The following ZFAND4 variants were observed in gnomAD, a reference collection of about 807,000 sequenced individuals.
ZFAND4 encodes the protein zinc finger AN1-type containing 4, also known as AN1-type zinc finger protein 4.
Under a neutral mutation model 64.4 loss-of-function variants are expected in ZFAND4, and 43 were observed. The ratio of observed to expected loss-of-function variants is 0.67; its 90% CI spans 0.52 to 0.86. The LOEUF is 0.86. Among genes scored for constraint, ZFAND4 ranks in the 40% least tolerant of loss-of-function variants. The probability of loss-of-function intolerance (pLI) is 0.00; values close to 1 mark genes in which losing one functional copy is unlikely to be tolerated. For missense variants in ZFAND4, 929 were observed against 859.8 expected (o/e 1.08, Z -1.01); for synonymous variants, 296 against 305.7 (o/e 0.97, Z 0.33).
intron 6 of ZFAND4, among the ~76,000 whole-genome samples, chr10:45,636,479 T>C (rs951583037): frequency 6.6e-6 from 1 of 151,904 alleles, no homozygotes; most frequent in African/African-American, 2.4e-5. Context: ...CTACTAAAAA[T>C]ACAAAAAATT....
At chr10:45,648,184 C>T in intron 5 of ZFAND4, 110 bp downstream of exon 5, 1 of 1,103,116 alleles carries the variant, frequency 9.1e-7, no homozygotes, top group East Asian at 2.8e-5. Flanking sequence ...ATACGAAGGA[C>T]AATTTCAGAC....
Position 45,628,367 on chromosome 10 carries a change from G to A in ZFAND4, c.718-1262C>T, listed in dbSNP as rs181911072. On this transcript the variant is annotated intron_variant, in intron 6 of 9. Transcript: ENST00000344646. Reference sequence around the variant, plus strand: ...AGAGACAGAGTTGTCGCCTAGGCAGGAGTGCAATGGCACAATCTCAGGCCT... The same window carrying A: ...AGAGACAGAGTTGTCGCCTAGGCAGAAGTGCAATGGCACAATCTCAGGCCT... Among the ~76,000 whole-genome samples, 510 of 152,268 alleles carry A rather than the reference G, an allele frequency of 3.3e-3. 11 individuals carry two copies. Among genetic ancestry groups the A allele is most frequent in the Admixed American group, 0.029 (437 of 15,292 alleles).
At chr10:45,637,248 C>T (rs11239579) in intron 6 of ZFAND4, among the ~76,000 whole-genome samples, 1 of 151,502 alleles carries the variant, frequency 6.6e-6, no homozygotes, top group South Asian at 2.1e-4. Context: ...GGCTGAGGCA[C>T]GAGAATCACT....
chr10:45,647,442 T>A (rs1236036251), intron 5 of ZFAND4, among the ~76,000 whole-genome samples: 15 of 150,454 alleles, frequency 1.0e-4, no homozygotes, highest in Admixed American at 6.6e-4. Flanking sequence ...TTTTTTTTTT[T>A]AATGATTTTA....
At chr10:45,667,505 G>A (rs1486167467) in intron 1 of ZFAND4, among the ~76,000 whole-genome samples, 1 of 113,706 alleles carries the variant, frequency 8.8e-6, no homozygotes, top group Non-Finnish European at 1.6e-5. Context: ...GTCCCACTCT[G>A]TTGCCCGGGC....
intron 5 of ZFAND4, 188 bp from the exon 6 acceptor site, chr10:45,640,151 A>T: frequency 2.4e-6 from 3 of 1,268,346 alleles, no homozygotes; most frequent in Non-Finnish European, 3.1e-6. Flanking sequence ...AAATGGGAAT[A>T]AATATTATGA....
intron 2 of ZFAND4, among the ~76,000 whole-genome samples, chr10:45,660,896 A>G (rs1483853204): frequency 6.6e-6 from 1 of 151,738 alleles, no homozygotes; most frequent in Admixed American, 6.6e-5. Context: ...TTTGCAAGAA[A>G]CGTTAAAAGA....
chr10:45,616,629 C>A, intron 9 of ZFAND4, 58 bp from the exon 10 acceptor site: 6 of 1,592,026 alleles, frequency 3.8e-6, no homozygotes, highest in Non-Finnish European at 5.1e-6. Context: ...GCTCATCTGT[C>A]TGGGAGACAG....
At chr10:45,642,293 T>C (rs1456657159) in intron 5 of ZFAND4, among the ~76,000 whole-genome samples, 1 of 151,242 alleles carries the variant, frequency 6.6e-6, no homozygotes, top group Non-Finnish European at 1.5e-5. Flanking sequence ...CACACATACA[T>C]ACACACATAT....
At chr10:45,669,476 TCTGAAA>T (rs2049040216) in intron 1 of ZFAND4, among the ~76,000 whole-genome samples, 1 of 152,160 alleles carries the variant, frequency 6.6e-6, no homozygotes. Context: ...TACCATTCCT[TCTGAAA>T]CTATTCCAAT....
At chr10:45,650,972 TC>T (rs2047719932) in intron 4 of ZFAND4, 2 of 152,202 alleles carry the variant, frequency 1.3e-5, no homozygotes, top group African/African-American at 4.8e-5. Context: ...TCTCATTAAA[TC>T]CTCTTGAAAT....
At chr10:45,660,078 C>T (rs950062477) in intron 2 of ZFAND4, among the ~76,000 whole-genome samples, 5 of 149,228 alleles carry the variant, frequency 3.4e-5, no homozygotes, top group African/African-American at 7.4e-5. Flanking sequence ...AGGAGAATGG[C>T]GTGAACCCAG....
At chr10:45,631,624 CA>C (rs1003036563) in intron 6 of ZFAND4, among the ~76,000 whole-genome samples, 1 of 151,948 alleles carries the variant, frequency 6.6e-6, no homozygotes, top group African/African-American at 2.4e-5. Flanking sequence ...CAAAGCATAG[CA>C]GAGCAACATT....
intron 2 of ZFAND4, chr10:45,662,745 C>G (rs893894112): frequency 7.5e-6 from 6 of 796,354 alleles, no homozygotes; most frequent in African/African-American, 7.5e-5. Context: ...ATGAAAAATT[C>G]TAACCCTCCT....
chr10:45,626,837 G>A lies in ZFAND4; in HGVS notation c.986C>T (p.Ser329Phe), dbSNP rs771841221. The A allele has an allele frequency of 5.2e-5, 84 of 1,614,086 alleles. No individual in the cohort carries two copies. The highest frequency in any genetic ancestry group is 6.8e-5 in the Non-Finnish European group (80 of 1,180,054). ...EDNSWENNTL[S>F]HFSSNVKLPP... ...TAGTTTGACGTTGCTACTGAAGTGA[G>A]ACAGTGTGTTATTCTCCCAGCTATT... Residue 329 changes from serine to phenylalanine, a missense_variant, in exon 7 of 10, where the codon TCT becomes TTT. Ser to Phe is a radical substitution (Grantham distance 155). Transcript: ENST00000344646.
chr10:45,627,029 C>A lies in ZFAND4; in HGVS notation c.794G>T (p.Arg265Leu), dbSNP rs559677417. The change falls in exon 7 of 10, where the codon CGC becomes CTC. Residue 265 changes from arginine to leucine, a missense_variant. Arg to Leu is a moderately radical substitution (Grantham distance 102). Transcript: ENST00000344646. The part of the protein sequence containing the change: ...RPSSGSTAPS[R>L]HRLLRVLPNI... The stretch of plus-strand genomic sequence containing the variant: ...GGGGAGGACCCTTAACAATCGGTGG[C>A]GAGATGGTGCAGTGGAACCACTAGA... The A allele has an allele frequency of 1.2e-6, 2 of 1,604,352 alleles. No homozygotes were observed. Among genetic ancestry groups the A allele is most frequent in the Non-Finnish European group, 1.7e-6 (2 of 1,174,374 alleles).
chr10:45,626,111 G>C lies in ZFAND4; in HGVS notation c.1712C>G (p.Ala571Gly). ...TCTGCTTGTGCTCCCGGCCAGTGAG[G>C]CAAGAAAACTGATATTATTTACACA... ...VGCVNNISFL[A>G]SLAGSTSRNR... Residue 571 changes from alanine (A) to glycine (G), a missense_variant, in exon 7 of 10, where the codon GCC (alanine) becomes GGC (glycine). Transcript: ENST00000344646. The C allele has an allele frequency of 1.9e-6, 3 of 1,614,074 alleles. No individual in the cohort carries two copies. Among genetic ancestry groups the C allele is most frequent in the Non-Finnish European group, 8.5e-7 (1 of 1,180,026 alleles).
chr10:45,659,711 G>A (rs1329380137), intron 2 of ZFAND4, among the ~76,000 whole-genome samples: 2 of 152,034 alleles, frequency 1.3e-5, no homozygotes, highest in Non-Finnish European at 2.9e-5. Context: ...AATATGCTAA[G>A]AAATCTAATG....
chr10:45,626,843 G>A lies in ZFAND4; in HGVS notation c.980C>T (p.Thr327Ile), dbSNP rs2045868071. ...GACGTTGCTACTGAAGTGAGACAGT[G>A]TGTTATTCTCCCAGCTATTATCTTC... ...LKEDNSWENN[T>I]LSHFSSNVKL... Residue 327 changes from threonine (T) to isoleucine (I), a missense_variant, in exon 7 of 10, where the codon ACA becomes ATA. Coordinates refer to ENST00000344646, the MANE Select transcript of ZFAND4 (RefSeq NM_174890.4). 1.9e-6 allele frequency: 3 copies of A among 1,614,096 alleles called. No homozygotes were observed. Among genetic ancestry groups the A allele is most frequent in the Non-Finnish European group, 8.5e-7 (1 of 1,180,052 alleles).
Sources: gnomAD v4.1 joint callset for allele counts (sites outside exome capture counted in the v4.1 genomes callset) on GRCh38, gnomAD v4.1.1 for gene constraint, MANE v1.5 for transcripts, NCBI Gene and HGNC (gene_info 2026-07-23, HGNC 2026-07-21) for gene names.